MTUS2: variants seen among roughly 807,000 people sequenced by gnomAD.
MTUS2 encodes microtubule associated scaffold protein 2, also known as microtubule-associated tumor suppressor candidate 2.
A neutral mutation model predicts 114.1 loss-of-function variants in MTUS2; 40 were observed. The ratio of observed to expected loss-of-function variants is 0.35; its 90% CI spans 0.27 to 0.46. The LOEUF (loss-of-function observed/expected upper bound fraction) is 0.46, where lower values mean the gene tolerates loss of function less well. Among genes scored for constraint, MTUS2 ranks in the 20% least tolerant of loss-of-function variants. MTUS2 has a pLI of 1.00. For missense variants in MTUS2, 1,679 were observed against 1,705.4 expected, an observed-to-expected ratio of 0.98 and a Z score of 0.27; for synonymous variants, 688 against 672.0, an observed-to-expected ratio of 1.02 and a Z score of -0.37.
At chr13:28,916,055 C>CT (rs1423809315) in intron 2 of MTUS2, among the ~76,000 whole-genome samples, 1 of 151,538 alleles carries the variant, frequency 6.6e-6, no homozygotes, top group Admixed American at 6.6e-5. Context: ...TGAAAAAAAA[C>CT]TTTTTTCCCC....
chr13:29,228,752 G>A (rs886888625), intron 5 of MTUS2, among the ~76,000 whole-genome samples: 5 of 152,146 alleles, frequency 3.3e-5, no homozygotes, highest in Admixed American at 3.3e-4. Context: ...AAAGGAGAAG[G>A]GGGGGAAGAA....
intron 9 of MTUS2, among the ~76,000 whole-genome samples, chr13:29,475,048 T>G (rs901049427): frequency 1.3e-5 from 2 of 152,234 alleles, no homozygotes; most frequent in African/African-American, 4.8e-5. Flanking sequence ...TTGAGTTTTA[T>G]GTGCTCAATG....
intron 4 of MTUS2, among the ~76,000 whole-genome samples, chr13:29,067,359 A>G (rs1259130682): frequency 6.6e-6 from 1 of 152,140 alleles, no homozygotes; most frequent in East Asian, 1.9e-4. Flanking sequence ...GTGGGGAGAC[A>G]CCAGGAAAAT....
At chr13:28,856,675 C>T (rs79613190) in intron 2 of MTUS2, among the ~76,000 whole-genome samples, 6,491 of 152,170 alleles carry the variant, frequency 0.043, 419 homozygotes, top group African/African-American at 0.13. Context: ...GATTTGTTTA[C>T]GGAATATCAA....
In MTUS2 at chr13:29,402,936, C is replaced by T. The variant is rs143610489; in HGVS notation, c.3118-37047C>T. ...ATTTTTAGTAGAGATGAGGTTTCAC[C>T]ATGTTGCCCAGGATGGTCTCAATCT... is the stretch of plus-strand genomic sequence containing the variant. On this transcript the variant is annotated intron_variant, in intron 8 of 15. Coordinates refer to ENST00000612955, the MANE Select transcript of MTUS2 (RefSeq NM_001033602.4). Among the ~76,000 whole-genome samples the T allele has an allele frequency of 1.9e-3, 293 of 152,204 alleles. 1 individual carries two copies. The highest frequency in any genetic ancestry group is 6.6e-3 in the African/African-American group (275 of 41,538).
chr13:29,492,670 A>G lies in MTUS2; in HGVS notation c.3530A>G (p.Glu1177Gly). The G allele has an allele frequency of 6.2e-7, 1 of 1,613,788 alleles. No homozygotes were observed. Among genetic ancestry groups the G allele is most frequent in the Non-Finnish European group, 8.5e-7 (1 of 1,179,738 alleles). The change falls in exon 12 of 16, where the codon GAA (glutamate) becomes GGA (glycine). Residue 1177 changes from glutamate (E) to glycine (G), a missense_variant. Around this residue, in one of 3 missense-constraint regions of MTUS2, gnomAD observed 822 missense variants for 899.7 expected, o/e 0.91. Transcript: ENST00000612955. ...GAATTGATGTCCACTCATGAGCTTG[A>G]AAAGAAAGAATTGGAAGAAAATTTT... ...VQELMSTHEL[E>G]KKELEENFEK... is the part of the protein sequence containing the mutation.
At chr13:29,088,794 CT>C (rs1334952818) in intron 4 of MTUS2, among the ~76,000 whole-genome samples, 3 of 151,978 alleles carry the variant, frequency 2.0e-5, no homozygotes, top group African/African-American at 7.3e-5. Context: ...AACCCCTGTT[CT>C]TTTTGTTTTC....
intron 5 of MTUS2, among the ~76,000 whole-genome samples, chr13:29,264,290 C>G (rs1045842137): frequency 6.6e-6 from 1 of 152,234 alleles, no homozygotes; most frequent in African/African-American, 2.4e-5. Context: ...GTAGCTCCCC[C>G]ACTGTGGCTT....
At chr13:29,301,217 G>A (rs879551480) in intron 6 of MTUS2, among the ~76,000 whole-genome samples, 4 of 152,158 alleles carry the variant, frequency 2.6e-5, no homozygotes, top group Non-Finnish European at 5.9e-5. Context: ...GCCTGGGCCT[G>A]TTATTCTCTT....
At chr13:29,319,356 A>G (rs116890627) in intron 6 of MTUS2, among the ~76,000 whole-genome samples, 2,868 of 152,234 alleles carry the variant, frequency 0.019, 41 homozygotes, top group Non-Finnish European at 0.026. Flanking sequence ...AGCGGCAGGA[A>G]TGCATTTTCA....
rs1397519864 is a variant in MTUS2 at position 29,503,245 on chromosome 13, C to T, written c.*39C>T. 12 of 1,605,292 alleles carry T rather than the reference C, an allele frequency of 7.5e-6. No homozygotes were observed. Among genetic ancestry groups the T allele is most frequent in the African/African-American group, 2.7e-5 (2 of 74,728 alleles). On this transcript the variant is annotated 3_prime_UTR_variant, in exon 16 of 16. Transcript: ENST00000612955. Reference sequence around the variant, plus strand: ...CCTGCGGGAGCTCCGGCTTCTCGTCCTCCGGTCTCCACCCTGAGGGAGCAC... The same window carrying T: ...CCTGCGGGAGCTCCGGCTTCTCGTCTTCCGGTCTCCACCCTGAGGGAGCAC...
At chr13:29,391,348 T>C (rs1022998765) in intron 8 of MTUS2, among the ~76,000 whole-genome samples, 8 of 152,156 alleles carry the variant, frequency 5.3e-5, no homozygotes, top group Admixed American at 4.6e-4. Flanking sequence ...GCTGTTTATA[T>C]TTACAGTGGG....
chr13:29,181,537 A>G (rs1894004240), intron 5 of MTUS2, among the ~76,000 whole-genome samples: 1 of 152,190 alleles, frequency 6.6e-6, no homozygotes, highest in African/African-American at 2.4e-5. Context: ...CATCAGAGAA[A>G]TGGTTCTGGG....
chr13:29,342,766 C>T lies in MTUS2; in HGVS notation c.2906-16496C>T, dbSNP rs774617717. 3.3e-5 allele frequency among the ~76,000 whole-genome samples: 5 copies of T among 151,950 alleles called. No homozygotes were observed. In the South Asian group the frequency reaches 1.0e-3, roughly 32 times the overall value. On this transcript the variant is annotated intron_variant, in intron 7 of 15. Transcript: ENST00000612955. ...CTCAGAGGGAATGCTTTCAGCTTTCCCCCATTCAGTATAATGTTGGCTGTG... is the reference window on the plus strand; with the variant it reads ...CTCAGAGGGAATGCTTTCAGCTTTCTCCCATTCAGTATAATGTTGGCTGTG...
intron 9 of MTUS2, among the ~76,000 whole-genome samples, chr13:29,450,344 T>C (rs1376853710): frequency 1.3e-5 from 2 of 152,182 alleles, no homozygotes; most frequent in African/African-American, 4.8e-5. Context: ...CTCAATTGCC[T>C]CAACACTTAG....
intron 5 of MTUS2, among the ~76,000 whole-genome samples, chr13:29,105,148 C>G (rs1313426548): frequency 6.6e-6 from 1 of 152,132 alleles, no homozygotes; most frequent in African/African-American, 2.4e-5. Flanking sequence ...TAAAAATATT[C>G]CAAGATCTGA....
At chr13:29,337,890 G>T (rs1485303323) in intron 7 of MTUS2, among the ~76,000 whole-genome samples, 1 of 150,948 alleles carries the variant, frequency 6.6e-6, no homozygotes. Context: ...CCAGGTTCAA[G>T]CAATTCTCCT....
chr13:29,234,686 C>T (rs760314598), intron 5 of MTUS2, among the ~76,000 whole-genome samples: 8 of 150,512 alleles, frequency 5.3e-5, no homozygotes, highest in South Asian at 2.1e-4. Flanking sequence ...CCCTTCATTT[C>T]GTGGATTAGT....
chr13:29,443,199 C>T (rs1056039961), intron 9 of MTUS2, among the ~76,000 whole-genome samples: 3 of 152,178 alleles, frequency 2.0e-5, no homozygotes, highest in Non-Finnish European at 4.4e-5. Flanking sequence ...AGGTGACTCT[C>T]ATAACTATCC....
Sources: gnomAD v4.1 joint callset for allele counts (sites outside exome capture counted in the v4.1 genomes callset) on GRCh38, gnomAD v4.1.1 for gene constraint, gnomAD v4.1.1 regional missense constraint, MANE v1.5 for transcripts, NCBI Gene and HGNC (gene_info 2026-07-23, HGNC 2026-07-21) for gene names.